The following CCNC variants were observed in gnomAD, a reference collection of about 807,000 sequenced individuals.
The protein encoded by CCNC is cyclin-C.
Under a neutral mutation model 50.0 loss-of-function variants are expected in CCNC, and 19 were observed. That is an observed-to-expected ratio of 0.38 (90% CI 0.27 to 0.56). CCNC has a LOEUF of 0.56. Among genes scored for constraint, CCNC ranks in the 20% least tolerant of loss-of-function variants. The pLI, the probability that CCNC is intolerant of heterozygous loss-of-function variation, is 0.72. For synonymous variants in CCNC, 93 were observed against 103.7 expected, an observed-to-expected ratio of 0.90 and a Z score of 0.63; for missense variants, 200 against 327.1, an observed-to-expected ratio of 0.61 and a Z score of 3.00.
At chr6:99,567,739 C>T (rs1769201443) in intron 1 of CCNC, among the ~76,000 whole-genome samples, 1 of 152,166 alleles carries the variant, frequency 6.6e-6, no homozygotes, top group African/African-American at 2.4e-5. Context: ...CATAACGCAC[C>T]TTCCTGCCTG....
At position 99,542,980 on chromosome 6, in the gene CCNC, T is replaced by G. The variant is rs1054227; in HGVS notation, c.*575A>C. ...TGCTAGGCTGGGCTAGTATCTTCCA[T>G]GGCAAGATCCTCAAACTACTGAATA... On this transcript the variant is annotated 3_prime_UTR_variant, in exon 12 of 12. Coordinates refer to ENST00000520429, the MANE Select transcript of CCNC (RefSeq NM_005190.4). 1 of 152,484 alleles carries G rather than the reference T, an allele frequency of 6.6e-6. No homozygotes were observed. The highest frequency in any genetic ancestry group is 2.4e-5 in the African/African-American group (1 of 41,428). The allele number at this position is 152,484 out of a possible 1,614,324, so 9.4% of individuals were successfully genotyped here. A position where few individuals can be genotyped will look rare whatever the true frequency, so the allele number is the denominator to read the frequency against.
At chr6:99,554,115 C>CT (rs1802420089) in intron 5 of CCNC, among the ~76,000 whole-genome samples, 1 of 151,612 alleles carries the variant, frequency 6.6e-6, no homozygotes, top group African/African-American at 2.4e-5. Flanking sequence ...TTTAGGAGTA[C>CT]CAGTCAAGTA....
At chr6:99,551,634 A>C (rs1802305230) in intron 6 of CCNC, among the ~76,000 whole-genome samples, 1 of 152,164 alleles carries the variant, frequency 6.6e-6, no homozygotes, top group Admixed American at 6.5e-5. Flanking sequence ...AAGGTGATTT[A>C]ATGAGCAGCC....
At chr6:99,559,716 A>G (rs1449216048) in intron 4 of CCNC, among the ~76,000 whole-genome samples, 1 of 144,578 alleles carries the variant, frequency 6.9e-6, no homozygotes, top group Non-Finnish European at 1.5e-5. Context: ...TCTCAGGAAT[A>G]ATTCTTTTTT....
intron 7 of CCNC, chr6:99,550,617 A>G (rs999336165): frequency 9.9e-5 from 29 of 294,376 alleles, no homozygotes; most frequent in African/African-American, 6.5e-4. Flanking sequence ...TAGCCTATAA[A>G]TTCATAATTC....
chr6:99,549,616 AC>A (rs756769626), intron 8 of CCNC, 41 bp from the exon 9 acceptor site: 1 of 1,251,590 alleles, frequency 8.0e-7, no homozygotes, highest in Non-Finnish European at 1.2e-6. Flanking sequence ...AAGCAGAACT[AC>A]CTCATCTGAT....
chr6:99,552,899 G>A (rs923364397), intron 5 of CCNC, among the ~76,000 whole-genome samples: 5 of 152,072 alleles, frequency 3.3e-5, no homozygotes, highest in Admixed American at 1.3e-4. Flanking sequence ...AAAATTAGGC[G>A]AGTGTAGTGG....
rs776112779 is a variant in CCNC, at chr6:99,561,634, C to T, written c.187G>A (p.Ala63Thr). 2 of 1,610,874 alleles carry T rather than the reference C, an allele frequency of 1.2e-6. No homozygotes were observed. The highest frequency in any genetic ancestry group is 1.7e-6 in the Non-Finnish European group (2 of 1,177,808). Residue 63 changes from alanine to threonine, a missense_variant, in exon 3 of 12, where the codon GCC becomes ACC. Ala to Thr is a moderately conservative substitution (Grantham distance 58, BLOSUM62 0). Transcript: ENST00000520429. ...CTCTTGAAATATACCGTAGCAGTGG[C>T]AATAACTTGTTGTCTTAATTTAAGA... ...EHLKLRQQVIATATVYFKRFY... is the reference protein window; with the variant it reads ...EHLKLRQQVITTATVYFKRFY...
chr6:99,558,354 C>A, intron 5 of CCNC, 143 bp downstream of exon 5: 2 of 1,266,256 alleles, frequency 1.6e-6, no homozygotes, highest in Non-Finnish European at 2.1e-6. Context: ...TTGCCAGATA[C>A]ACTAGATATA....
intron 5 of CCNC, among the ~76,000 whole-genome samples, chr6:99,556,999 A>T (rs542022746): frequency 1.5e-4 from 23 of 152,346 alleles, no homozygotes; most frequent in African/African-American, 5.5e-4. Context: ...CTATTAGCTG[A>T]AATTAGGTAA....
chr6:99,557,219 CTT>C (rs2114351563), intron 5 of CCNC: 1 of 152,280 alleles, frequency 6.6e-6, no homozygotes, highest in South Asian at 2.1e-4. Context: ...CTGTAACTCT[CTT>C]ATACTATTTA....
At chr6:99,552,068 G>A (rs972059994) in intron 5 of CCNC, among the ~76,000 whole-genome samples, 173 bp from the exon 6 acceptor site, 4 of 151,986 alleles carry the variant, frequency 2.6e-5, no homozygotes, top group Non-Finnish European at 5.9e-5. Context: ...GGAAAGACTG[G>A]GGGGCAGGAC....
intron 4 of CCNC, among the ~76,000 whole-genome samples, chr6:99,561,137 A>G (rs982270532): frequency 1.3e-5 from 2 of 152,186 alleles, no homozygotes; most frequent in Non-Finnish European, 1.5e-5. Flanking sequence ...TACTACTACT[A>G]TGTATTCCAG....
intron 9 of CCNC, among the ~76,000 whole-genome samples, chr6:99,549,152 T>C (rs1802191143): frequency 6.6e-6 from 1 of 152,146 alleles, no homozygotes; most frequent in Non-Finnish European, 1.5e-5. Context: ...TGAGTATTTG[T>C]TTGGGCTCAG....
rs569591961 is a variant in CCNC at position 99,545,198 on chromosome 6, T to C, written c.711A>G (p.Leu237=). ...CATCGAAATTCTTCCACTGCTCATA[T>C]AGTTTTAAAATAACCCTGATTATTT... ...ILEIIRVILK[L]YEQWKNFDER... Residue 237 remains leucine, a synonymous_variant, in exon 11 of 12, where the codon CTA becomes CTG. Coordinates refer to ENST00000520429, the MANE Select transcript of CCNC (RefSeq NM_005190.4). 3 of 1,603,450 alleles carry C rather than the reference T, an allele frequency of 1.9e-6. No individual in the cohort carries two copies. Among genetic ancestry groups the C allele is most frequent in the East Asian group, 2.2e-5 (1 of 44,730 alleles).
intron 4 of CCNC, among the ~76,000 whole-genome samples, chr6:99,559,418 TG>T (rs1350772124): frequency 6.6e-6 from 1 of 152,172 alleles, no homozygotes; most frequent in Non-Finnish European, 1.5e-5. Context: ...AATCAAGAGT[TG>T]GTTTCTTATC....
chr6:99,548,673 G>C (rs1336220164), intron 9 of CCNC, among the ~76,000 whole-genome samples: 1 of 152,016 alleles, frequency 6.6e-6, no homozygotes, highest in Non-Finnish European at 1.5e-5. Context: ...AAATTAGCCA[G>C]GTATGGTGGT....
intron 1 of CCNC, 146 bp from the exon 2 acceptor site, chr6:99,563,094 A>G: frequency 1.6e-6 from 1 of 608,548 alleles, no homozygotes; most frequent in Non-Finnish European, 2.9e-6. Flanking sequence ...AAACGTGACT[A>G]ATAAGAATTA....
chr6:99,562,639 T>A, intron 2 of CCNC: 1 of 475,114 alleles, frequency 2.1e-6, no homozygotes, highest in Non-Finnish European at 3.7e-6. Context: ...TTGTCTTGAG[T>A]GCCTGTGATA....
Sources: allele counts gnomAD v4.1 joint callset (sites outside exome capture counted in the v4.1 genomes callset), GRCh38; gene constraint gnomAD v4.1.1; transcripts MANE v1.5; gene names NCBI Gene and HGNC (gene_info 2026-07-23, HGNC 2026-07-21).